The following GRID1 variants were observed in gnomAD, a reference collection of about 807,000 sequenced individuals.
GRID1 encodes glutamate receptor ionotropic, delta-1.
GRID1 carries 28 observed loss-of-function variants against 98.0 expected under a neutral mutation model. The observed-to-expected ratio is 0.29, with a 90% CI of 0.21 to 0.39. The LOEUF (loss-of-function observed/expected upper bound fraction) is 0.39. GRID1 is among the 10% of genes least tolerant of loss of function. GRID1 has a pLI of 1.00. For missense variants in GRID1, 1,111 were observed against 1,340.5 expected (o/e 0.83, Z 2.67); for synonymous variants, 553 against 538.5 (o/e 1.03, Z -0.37).
chr10:85,867,024 C>T (rs1016919766), intron 6 of GRID1, among the ~76,000 whole-genome samples: 14 of 152,154 alleles, frequency 9.2e-5, no homozygotes. Context: ...TGTTTCTCCT[C>T]TCCATGGGCA....
chr10:85,706,197 G>T lies in GRID1; in HGVS notation c.1997+16806C>A, dbSNP rs185844716. ...GTCCCTGTTTGCAGATGACATGATT[G>T]TGTATCTAGAAAACCGCATCGTCTC... On this transcript the variant is annotated intron_variant, in intron 12 of 15. Coordinates refer to ENST00000327946, the MANE Select transcript of GRID1 (RefSeq NM_017551.3). Among the ~76,000 whole-genome samples the T allele has an allele frequency of 6.0e-3, 918 of 152,314 alleles. 4 individuals carry two copies. Among genetic ancestry groups the T allele is most frequent in the Middle Eastern group, 0.031 (9 of 294 alleles).
At chr10:85,653,380 G>A (rs180674727) in intron 12 of GRID1, among the ~76,000 whole-genome samples, 22 of 152,286 alleles carry the variant, frequency 1.4e-4, no homozygotes, top group East Asian at 3.9e-4. Context: ...GTATGTCCTC[G>A]CACTGGACTA....
At chr10:86,284,230 A>T (rs1847397501) in intron 2 of GRID1, among the ~76,000 whole-genome samples, 1 of 151,628 alleles carries the variant, frequency 6.6e-6, no homozygotes, top group South Asian at 2.1e-4. Context: ...ACCTGTCTTC[A>T]ATCTGCCTTC....
chr10:85,908,804 A>G (rs1446198476), intron 5 of GRID1, among the ~76,000 whole-genome samples: 2 of 152,364 alleles, frequency 1.3e-5, no homozygotes, highest in African/African-American at 4.8e-5. Flanking sequence ...CTAAAGCTAT[A>G]GTAATCAAAA....
intron 8 of GRID1, among the ~76,000 whole-genome samples, chr10:85,746,171 A>G (rs1462941146): frequency 6.6e-6 from 1 of 152,186 alleles, no homozygotes; most frequent in African/African-American, 2.4e-5. Flanking sequence ...GGGGAGATGT[A>G]TCCAAGAATC....
In GRID1 at chr10:85,693,890, C is replaced by G. The variant is rs896717536; in HGVS notation, c.1997+29113G>C. On this transcript the variant is annotated intron_variant, in intron 12 of 15. Transcript: ENST00000327946. ...CTAGGCAAATAATTTATGTCTAAGA[C>G]CGCAAATGCGTAAGCAACAAAATCA... 3.3e-5 allele frequency among the ~76,000 whole-genome samples: 5 copies of G among 152,170 alleles called. No individual in the cohort carries two copies. In the East Asian group the frequency reaches 9.6e-4, roughly 29 times the overall value.
chr10:85,996,817 G>A (rs1178381281), intron 4 of GRID1, among the ~76,000 whole-genome samples: 6 of 117,994 alleles, frequency 5.1e-5, no homozygotes, highest in African/African-American at 1.3e-4. Flanking sequence ...CGACAAAAGC[G>A]AAACTCCATC....
chr10:85,911,063 T>C (rs1841530503), intron 5 of GRID1, among the ~76,000 whole-genome samples: 1 of 152,054 alleles, frequency 6.6e-6, no homozygotes, highest in Non-Finnish European at 1.5e-5. Context: ...TAGTAAGAAG[T>C]AAATAAGGGT....
Position 86,245,879 on chromosome 10 carries a change from G to T in GRID1, c.236-39231C>A, listed in dbSNP as rs59443371. Among the ~76,000 whole-genome samples, 103 of 152,370 alleles carry T rather than the reference G, an allele frequency of 6.8e-4. 1 individual carries two copies. In the East Asian group the frequency reaches 0.017, roughly 25 times the overall value. ...AGGCTGGGGCAGCACAGGAAGCCAGGGAAGGCAGGAAGAAGGAACCCTCAT... is the reference window on the plus strand; with the variant it reads ...AGGCTGGGGCAGCACAGGAAGCCAGTGAAGGCAGGAAGAAGGAACCCTCAT... On this transcript the variant is annotated intron_variant, in intron 2 of 15. Transcript: ENST00000327946.
chr10:85,633,124 T>C (rs1842994513), intron 13 of GRID1, among the ~76,000 whole-genome samples: 1 of 152,002 alleles, frequency 6.6e-6, no homozygotes, highest in South Asian at 2.1e-4. Flanking sequence ...GAGATGAGGT[T>C]TCACCATGTT....
chr10:86,050,715 T>C (rs986844649), intron 4 of GRID1, among the ~76,000 whole-genome samples: 1 of 152,050 alleles, frequency 6.6e-6, no homozygotes. Context: ...CATGGAAAGA[T>C]ACACCAAGTT....
chr10:86,222,603 C>G (rs1055859460), intron 2 of GRID1, among the ~76,000 whole-genome samples: 10 of 152,162 alleles, frequency 6.6e-5, no homozygotes, highest in Admixed American at 2.0e-4. Flanking sequence ...AAAGACGCAC[C>G]CCAGGAGAGG....
intron 8 of GRID1, among the ~76,000 whole-genome samples, chr10:85,833,189 C>T (rs1356377258): frequency 1.3e-5 from 2 of 152,144 alleles, no homozygotes; most frequent in African/African-American, 2.4e-5. Flanking sequence ...AAGGGGGATC[C>T]TGCCACAAGC....
In GRID1 at chr10:86,140,035, G is replaced by A. The variant is rs956437296; in HGVS notation, c.521-1011C>T. ...CTGACAATGTCATTTTCAGCCCCTG[G>A]GTGCATGTGAGGCTGAAGCCTGTTT... On this transcript the variant is annotated intron_variant, in intron 3 of 15. Transcript: ENST00000327946. 2.1e-4 allele frequency among the ~76,000 whole-genome samples: 32 copies of A among 152,204 alleles called. 2 individuals carry two copies. The highest frequency in any genetic ancestry group is 1.8e-3 in the Admixed American group (28 of 15,286).
At chr10:85,723,802 A>G (rs892135089) in intron 11 of GRID1, among the ~76,000 whole-genome samples, 4 of 152,194 alleles carry the variant, frequency 2.6e-5, no homozygotes, top group African/African-American at 9.7e-5. Context: ...AACCTCACAA[A>G]GCATTTGCCA....
At chr10:85,917,172 C>A (rs951672856) in intron 4 of GRID1, among the ~76,000 whole-genome samples, 1 of 152,120 alleles carries the variant, frequency 6.6e-6, no homozygotes, top group East Asian at 1.9e-4. Flanking sequence ...GAATACATCC[C>A]GTGAGCAGGT....
chr10:86,231,261 T>A (rs1014947794), intron 2 of GRID1, among the ~76,000 whole-genome samples: 10 of 152,062 alleles, frequency 6.6e-5, no homozygotes, highest in African/African-American at 2.4e-4. Flanking sequence ...GAAGATAGTG[T>A]CTCCCAGGAG....
chr10:85,752,351 G>T (rs2132687698), intron 8 of GRID1, among the ~76,000 whole-genome samples: 1 of 152,220 alleles, frequency 6.6e-6, no homozygotes, highest in East Asian at 1.9e-4. Context: ...TCATGCCAAG[G>T]TCAAAACATT....
chr10:86,074,576 C>A (rs1408663911), intron 4 of GRID1, among the ~76,000 whole-genome samples: 1 of 152,200 alleles, frequency 6.6e-6, no homozygotes, highest in African/African-American at 2.4e-5. Flanking sequence ...GAGTATACCA[C>A]ATTTTCATTA....
Sources: gnomAD v4.1 joint callset for allele counts (sites outside exome capture counted in the v4.1 genomes callset) on GRCh38, gnomAD v4.1.1 for gene constraint, MANE v1.5 for transcripts, NCBI Gene and HGNC (gene_info 2026-07-23, HGNC 2026-07-21) for gene names.